The following WAC variants were observed in gnomAD, a reference collection of about 807,000 sequenced individuals.
The protein encoded by WAC is WW domain-containing adapter protein with coiled-coil.
Under a neutral mutation model 79.6 loss-of-function variants are expected in WAC, and 11 were observed. The ratio of observed to expected loss-of-function variants is 0.14; its 90% CI spans 0.09 to 0.23. The LOEUF is 0.23. Ranked by LOEUF, WAC falls within the 10% of genes least tolerant of loss-of-function variation. The probability of loss-of-function intolerance (pLI) is 1.00; values close to 1 mark genes in which losing one functional copy is unlikely to be tolerated. For synonymous variants in WAC, 304 were observed against 276.9 expected (o/e 1.10, Z -0.97); for missense variants, 728 against 773.5 (o/e 0.94, Z 0.70).
rs561844257 is a variant in WAC, at chr10:28,614,307, G to GTGTTAGCCGGGA, written c.1438-258_1438-257insTTAGCCGGGATG. Among the ~76,000 whole-genome samples, 2,745 of 150,288 alleles carry GTGTTAGCCGGGA rather than the reference G, an allele frequency of 0.018. 55 individuals carry two copies. Among genetic ancestry groups the GTGTTAGCCGGGA allele is most frequent in the Middle Eastern group, 0.062 (18 of 288 alleles). ...TTTTTAGTAGAGACGGGGTTTCACC[G>GTGTTAGCCGGGA]TGGTCTCGATCTCCTGACCTCGTGA... On this transcript the variant is annotated intron_variant, in intron 10 of 13. Coordinates refer to ENST00000354911, the MANE Select transcript of WAC (RefSeq NM_016628.5).
chr10:28,550,489 T>C (rs1837607480), intron 3 of WAC, among the ~76,000 whole-genome samples: 1 of 152,146 alleles, frequency 6.6e-6, no homozygotes, highest in East Asian at 1.9e-4. Flanking sequence ...TATTTACATA[T>C]GTTGTTTGCC....
intron 3 of WAC, among the ~76,000 whole-genome samples, chr10:28,539,385 A>C (rs1215734045): frequency 6.6e-6 from 1 of 152,208 alleles, no homozygotes; most frequent in Non-Finnish European, 1.5e-5. Context: ...TTTATCCATT[A>C]GGATTTATTA....
chr10:28,584,278 G>A (rs1839693199), intron 4 of WAC, among the ~76,000 whole-genome samples: 1 of 152,142 alleles, frequency 6.6e-6, no homozygotes, highest in Non-Finnish European at 1.5e-5. Context: ...TAAAACTTGG[G>A]CAGTAAAAGA....
rs1005644005 is a variant in WAC at position 28,620,652 on chromosome 10, C to T, written c.*1046C>T. On this transcript the variant is annotated 3_prime_UTR_variant, in exon 14 of 14. Coordinates refer to ENST00000354911, the MANE Select transcript of WAC (RefSeq NM_016628.5). ...TATTTATACTTAATTGAAATAATTC[C>T]TTAAGGGAGGTTTTGTTTAAAACGT... 3 of 152,048 alleles carry T rather than the reference C, an allele frequency of 2.0e-5. No homozygotes were observed. The highest frequency in any genetic ancestry group is 7.3e-5 in the African/African-American group (3 of 41,376). The allele number at this position is 152,048 out of a possible 1,614,324, so 9.4% of individuals were successfully genotyped here.
intron 7 of WAC, among the ~76,000 whole-genome samples, chr10:28,598,439 A>T (rs896452850): frequency 5.3e-5 from 8 of 152,190 alleles, no homozygotes; most frequent in African/African-American, 1.9e-4. Context: ...CAACACTTAA[A>T]CATTGTAATT....
Position 28,619,928 on chromosome 10 carries a change from A to AG in WAC, c.*322_*323insG, listed in dbSNP as rs1345566090. The AG allele has an allele frequency of 5.3e-6, 1 of 187,814 alleles. No homozygotes were observed. Among genetic ancestry groups the AG allele is most frequent in the African/African-American group, 2.3e-5 (1 of 42,788 alleles). 11.6% of individuals were successfully genotyped at this position (187,814 alleles called of 1,614,324 possible). ...GAGGTGGCTAAATACCTAGCCTTTT[A>AG]CATGTAAACCTGTCTGCAAAATTAG... On this transcript the variant is annotated 3_prime_UTR_variant, in exon 14 of 14. Transcript: ENST00000354911.
In WAC at chr10:28,622,275, G is replaced by A. The variant is rs1247886853; in HGVS notation, c.*2669G>A. 1.3e-5 allele frequency: 2 copies of A among 151,958 alleles called. No homozygotes were observed. Among genetic ancestry groups the A allele is most frequent in the Non-Finnish European group, 1.5e-5 (1 of 67,994 alleles). The allele number at this position is 151,958 out of a possible 1,614,324, so 9.4% of individuals were successfully genotyped here. A position where few individuals can be genotyped will look rare whatever the true frequency, so the allele number is the denominator to read the frequency against. ...TATCCAGCTCCTAACCTTAACTAGG[G>A]AATATCTATTAAAATAAGCATAATG... On this transcript the variant is annotated 3_prime_UTR_variant, in exon 14 of 14. Coordinates refer to ENST00000354911, the MANE Select transcript of WAC (RefSeq NM_016628.5).
chr10:28,582,997 A>G (rs552248696), intron 3 of WAC, among the ~76,000 whole-genome samples: 1 of 152,310 alleles, frequency 6.6e-6, no homozygotes, highest in African/African-American at 2.4e-5. Context: ...AGTTGCAAAA[A>G]CATACTGATA....
chr10:28,535,485 C>A, intron 2 of WAC, 77 bp from the exon 3 acceptor site: 2 of 1,436,832 alleles, frequency 1.4e-6, no homozygotes, highest in South Asian at 1.5e-5. Context: ...TGATAATACA[C>A]CAAAGTTTAT....
intron 3 of WAC, chr10:28,537,723 T>C (rs1836758551): frequency 6.6e-6 from 1 of 152,256 alleles, no homozygotes; most frequent in South Asian, 2.1e-4. Context: ...GCTTTGACTC[T>C]TGAGAGCTAG....
intron 6 of WAC, among the ~76,000 whole-genome samples, chr10:28,594,013 T>C (rs1257827685): frequency 6.6e-6 from 1 of 152,166 alleles, no homozygotes; most frequent in East Asian, 1.9e-4. Flanking sequence ...TAGATGCCAG[T>C]AGCATACCTC....
In WAC at chr10:28,608,547, A is replaced by G. The variant is rs192333855; in HGVS notation, c.1165+116A>G. 1.7e-4 allele frequency: 196 copies of G among 1,174,074 alleles called. No individual in the cohort carries two copies. The African/African-American group carries it at 2.6e-3, about 16-fold the overall frequency. The allele number at this position is 1,174,074 out of a possible 1,614,324, so 72.7% of individuals were successfully genotyped here. ...TTTCTTTTGAAATTTATAGTTGAAC[A>G]CTTTTTTTTGTTTTGTTTTTTGTTT... On this transcript the variant is annotated intron_variant, in intron 8 of 13. Coordinates refer to ENST00000354911, the MANE Select transcript of WAC (RefSeq NM_016628.5).
intron 4 of WAC, 39 bp from the exon 5 acceptor site, chr10:28,589,697 G>A: frequency 1.5e-6 from 2 of 1,325,666 alleles, no homozygotes; most frequent in Non-Finnish European, 2.1e-6. Context: ...TGATTAAATA[G>A]TATTAACATT....
intron 3 of WAC, chr10:28,537,739 T>G (rs1235826011): frequency 1.3e-5 from 2 of 152,208 alleles, no homozygotes; most frequent in African/African-American, 4.8e-5. Flanking sequence ...GCTAGTGGTG[T>G]TTTAGCCACT....
At chr10:28,563,092 A>ATAGG (rs1486766481) in intron 3 of WAC, among the ~76,000 whole-genome samples, 1 of 152,166 alleles carries the variant, frequency 6.6e-6, no homozygotes, top group Non-Finnish European at 1.5e-5. Context: ...TTTTGTAGAG[A>ATAGG]TAGGGTTTCA....
At chr10:28,581,700 A>AC (rs1453874082) in intron 3 of WAC, among the ~76,000 whole-genome samples, 1 of 152,034 alleles carries the variant, frequency 6.6e-6, no homozygotes, top group African/African-American at 2.4e-5. Context: ...AGCTGGGACT[A>AC]CAGGCACACA....
intron 9 of WAC, chr10:28,611,469 A>G: frequency 7.4e-7 from 1 of 1,345,590 alleles, no homozygotes; most frequent in Non-Finnish European, 9.7e-7. Flanking sequence ...ATAAGAAAGA[A>G]GAAATAAGGA....
intron 3 of WAC, among the ~76,000 whole-genome samples, chr10:28,561,172 A>G (rs1000430102): frequency 6.6e-6 from 1 of 152,206 alleles, no homozygotes; most frequent in African/African-American, 2.4e-5. Context: ...GGACTTGGGA[A>G]TATTTCAAAA....
chr10:28,556,229 CTT>C (rs143954595), intron 3 of WAC, among the ~76,000 whole-genome samples: 4,993 of 152,066 alleles, frequency 0.033, 112 homozygotes, highest in Non-Finnish European at 0.05. Context: ...CACTTAACCT[CTT>C]GTTTTTTCCA....
Sources: gnomAD v4.1 joint callset for allele counts (sites outside exome capture counted in the v4.1 genomes callset) on GRCh38, gnomAD v4.1.1 for gene constraint, MANE v1.5 for transcripts, NCBI Gene and HGNC (gene_info 2026-07-23, HGNC 2026-07-21) for gene names.